SLC5A12: variants seen among roughly 807,000 people sequenced by gnomAD.
SLC5A12 encodes the protein sodium-coupled monocarboxylate transporter 2.
A neutral mutation model predicts 72.7 loss-of-function variants in SLC5A12; 46 were observed. The observed-to-expected ratio is 0.63, with a 90% CI of 0.50 to 0.81. SLC5A12 has a LOEUF of 0.81. Among genes scored for constraint, SLC5A12 ranks in the 30% least tolerant of loss-of-function variants. The probability of loss-of-function intolerance (pLI) is 0.00; values close to 1 mark genes in which losing one functional copy is unlikely to be tolerated. For missense variants in SLC5A12, 683 were observed against 740.7 expected (o/e 0.92, Z 0.90); for synonymous variants, 275 against 264.4 (o/e 1.04, Z -0.39).
chr11:26,716,742 C>A (rs1855358960), intron 1 of SLC5A12, among the ~76,000 whole-genome samples: 1 of 152,120 alleles, frequency 6.6e-6, no homozygotes, highest in African/African-American at 2.4e-5. Flanking sequence ...TTGCCCCCCA[C>A]TTTCAAAACA....
At position 26,683,737 on chromosome 11, in the gene SLC5A12, G is replaced by C. The variant is rs779979178; in HGVS notation, c.1308+20C>G. 1 of 1,562,084 alleles carries C rather than the reference G, an allele frequency of 6.4e-7. No homozygotes were observed. The highest frequency in any genetic ancestry group is 8.7e-7 in the Non-Finnish European group (1 of 1,150,102). ...CCCAGTTTTGACTGGGAATTGTGAA[G>C]AGGGCTGTGGGATCCTTACCTTCCA... On this transcript the variant is annotated intron_variant, in intron 11 of 14. Coordinates refer to ENST00000396005, the MANE Select transcript of SLC5A12 (RefSeq NM_178498.4).
Position 26,703,952 on chromosome 11 carries a change from A to C in SLC5A12, c.526-5T>G. ...CACCACTGCTTTTAATCCTCCCTGAAATAGAGAGAATGTTTGAGTCCTTGA... is the reference window on the plus strand; with the variant it reads ...CACCACTGCTTTTAATCCTCCCTGACATAGAGAGAATGTTTGAGTCCTTGA... On this transcript the variant is annotated splice_region_variant and splice_polypyrimidine_tract_variant and intron_variant, in intron 4 of 14. Transcript: ENST00000396005. 1 of 1,613,356 alleles carries C rather than the reference A, an allele frequency of 6.2e-7. No homozygotes were observed. The highest frequency in any genetic ancestry group is 8.5e-7 in the Non-Finnish European group (1 of 1,179,550).
intron 3 of SLC5A12, 78 bp downstream of exon 3, chr11:26,711,229 A>AT: frequency 8.3e-7 from 1 of 1,203,496 alleles, no homozygotes; most frequent in Non-Finnish European, 1.2e-6. Flanking sequence ...CCAACAAAGT[A>AT]TTTTATTTCT....
chr11:26,681,839 G>A, intron 11 of SLC5A12, among the ~76,000 whole-genome samples: 1 of 152,056 alleles, frequency 6.6e-6, no homozygotes, highest in East Asian at 1.9e-4. Context: ...ATAATCTGAT[G>A]TTTCTGGTCA....
intron 9 of SLC5A12, 121 bp downstream of exon 9, chr11:26,692,368 T>TCA: frequency 1.5e-6 from 1 of 683,270 alleles, no homozygotes; most frequent in African/African-American, 1.8e-5. Flanking sequence ...GTGGGATTCT[T>TCA]CACATATCTC....
intron 11 of SLC5A12, among the ~76,000 whole-genome samples, chr11:26,682,820 T>C (rs1590712493): frequency 6.6e-6 from 1 of 152,152 alleles, no homozygotes; most frequent in Non-Finnish European, 1.5e-5. Context: ...AAAGACATAA[T>C]ATTCTTGTCA....
At chr11:26,673,301 G>T in intron 14 of SLC5A12, 101 bp downstream of exon 14, 2 of 1,262,422 alleles carry the variant, frequency 1.6e-6, no homozygotes, top group South Asian at 4.5e-5. Context: ...CACACTCACT[G>T]CTTTCCCTTT....
chr11:26,668,349 C>G lies in SLC5A12; in HGVS notation c.*2753G>C, dbSNP rs1473959722. 1 of 151,962 alleles carries G rather than the reference C, an allele frequency of 6.6e-6. No homozygotes were observed. The highest frequency in any genetic ancestry group is 1.9e-4 in the East Asian group (1 of 5,192). The allele number at this position is 151,962 out of a possible 1,614,324, so 9.4% of individuals were successfully genotyped here. On this transcript the variant is annotated 3_prime_UTR_variant, in exon 15 of 15. Coordinates refer to ENST00000396005, the MANE Select transcript of SLC5A12 (RefSeq NM_178498.4). ...AGTATCAAGTTTGGAACATTTTAGG[C>G]CCCTCTAAAACTCATCATTCCTAGT...
rs1855479133 is a variant in SLC5A12 at position 26,721,494 on chromosome 11, A to C, written c.221T>G (p.Val74Gly). Residue 74 changes from valine (V) to glycine (G), a missense_variant, in exon 1 of 15, where the codon GTC becomes GGC. By Grantham distance (109) the Val-to-Gly change is moderately radical. Coordinates refer to ENST00000396005, the MANE Select transcript of SLC5A12 (RefSeq NM_178498.4). ...TAGGAAGGATGCCCCAAAGCGGTAG[A>C]CTTCAGAAGGGGTCCCCAGGACCGT... The part of the protein sequence containing the change: ...AVTVLGTPSE[V>G]YRFGASFLVF... 3.1e-6 allele frequency: 5 copies of C among 1,614,050 alleles called. No homozygotes were observed. The highest frequency in any genetic ancestry group is 4.2e-6 in the Non-Finnish European group (5 of 1,180,030).
chr11:26,680,195 A>G (rs1235773893), intron 12 of SLC5A12, among the ~76,000 whole-genome samples: 2 of 150,922 alleles, frequency 1.3e-5, no homozygotes, highest in African/African-American at 4.9e-5. Context: ...ATACACAAAT[A>G]ACACAAATCC....
At chr11:26,701,968 T>A (rs16916156) in intron 6 of SLC5A12, among the ~76,000 whole-genome samples, 1 of 152,286 alleles carries the variant, frequency 6.6e-6, no homozygotes, top group African/African-American at 2.4e-5. Context: ...GGTATTAACA[T>A]AGAGAAATTA....
At position 26,668,707 on chromosome 11, in the gene SLC5A12, A is replaced by C. The variant is rs1317923860; in HGVS notation, c.*2395T>G. 6.6e-6 allele frequency: 1 copy of C among 151,994 alleles called. No homozygotes were observed. The highest frequency in any genetic ancestry group is 2.4e-5 in the African/African-American group (1 of 41,392). The allele number at this position is 151,994 out of a possible 1,614,324, so 9.4% of individuals were successfully genotyped here. A position where few individuals can be genotyped will look rare whatever the true frequency, so the allele number is the denominator to read the frequency against. ...ATGCATGTTTGTTCAATTAAGAAGA[A>C]TGGGGGGAGTCTCTACATTGACCTC... On this transcript the variant is annotated 3_prime_UTR_variant, in exon 15 of 15. Transcript: ENST00000396005.
chr11:26,705,135 T>C lies in SLC5A12; in HGVS notation c.526-1188A>G, dbSNP rs1362930525. On this transcript the variant is annotated intron_variant, in intron 4 of 14. Transcript: ENST00000396005. ...AACATTTAAGCCCTATCCCCAAGGG[T>C]TGTGAATTAATTAAGGTCTGGATTG... 2.0e-5 allele frequency among the ~76,000 whole-genome samples: 3 copies of C among 151,750 alleles called. No homozygotes were observed. In the East Asian group the frequency reaches 5.8e-4, roughly 29 times the overall value.
At chr11:26,676,371 A>G (rs1314975402) in intron 13 of SLC5A12, among the ~76,000 whole-genome samples, 1 of 146,378 alleles carries the variant, frequency 6.8e-6, no homozygotes, top group Non-Finnish European at 1.5e-5. Flanking sequence ...AAAAAAAAAA[A>G]AAAAAAAGAA....
intron 10 of SLC5A12, among the ~76,000 whole-genome samples, chr11:26,684,529 C>A (rs906482700): frequency 6.6e-6 from 1 of 152,096 alleles, no homozygotes; most frequent in Non-Finnish European, 1.5e-5. Context: ...TCATGCCTCT[C>A]CTAGGAAAGG....
chr11:26,715,503 C>A (rs911394079), intron 1 of SLC5A12, among the ~76,000 whole-genome samples: 3 of 152,126 alleles, frequency 2.0e-5, no homozygotes, highest in African/African-American at 7.2e-5. Flanking sequence ...ACAGTGGTAA[C>A]CTGCTCAAAA....
In SLC5A12 at chr11:26,685,619, C is replaced by CAA. The variant is rs150186795; in HGVS notation, c.1221+856_1221+857dup. 1.1e-3 allele frequency among the ~76,000 whole-genome samples: 154 copies of CAA among 146,218 alleles called. 2 individuals are homozygous for CAA. Among genetic ancestry groups the CAA allele is most frequent in the South Asian group, 4.7e-3 (22 of 4,680 alleles). On this transcript the variant is annotated intron_variant, in intron 10 of 14. Coordinates refer to ENST00000396005, the MANE Select transcript of SLC5A12 (RefSeq NM_178498.4). ...TGAGACTCTGTCTCAAAAAAACAAACAAACAAAAAAACAAAAAAACCCACA... is the reference window on the plus strand; with the variant it reads ...TGAGACTCTGTCTCAAAAAAACAAACAAAAACAAAAAAACAAAAAAACCCACA...
chr11:26,713,044 G>A (rs965345483), intron 1 of SLC5A12, among the ~76,000 whole-genome samples: 4 of 152,126 alleles, frequency 2.6e-5, no homozygotes, highest in African/African-American at 9.6e-5. Flanking sequence ...TCCAAATTTA[G>A]TTCGATCCTT....
At chr11:26,712,228 T>G (rs1855246735) in intron 2 of SLC5A12, among the ~76,000 whole-genome samples, 1 of 152,032 alleles carries the variant, frequency 6.6e-6, no homozygotes, top group Non-Finnish European at 1.5e-5. Context: ...CTGGGAATAT[T>G]GTCTTAAAAT....
Sources: allele counts gnomAD v4.1 joint callset (sites outside exome capture counted in the v4.1 genomes callset), GRCh38; gene constraint gnomAD v4.1.1; transcripts MANE v1.5; gene names NCBI Gene and HGNC (gene_info 2026-07-23, HGNC 2026-07-21).